The following SVOPL variants were observed in gnomAD, a reference collection of about 807,000 sequenced individuals.
SVOPL encodes putative transporter SVOPL.
In SVOPL, 60 loss-of-function variants were observed where a neutral mutation model predicts 61.0. The observed-to-expected ratio is 0.98, with a 90% CI of 0.80 to 1.22. SVOPL has a LOEUF of 1.22. SVOPL is among the 50% of genes most tolerant of loss of function. The probability of loss-of-function intolerance (pLI) is 0.00; values close to 1 mark genes in which losing one functional copy is unlikely to be tolerated. For missense variants in SVOPL, 662 were observed against 643.9 expected (o/e 1.03, Z -0.30); for synonymous variants, 279 against 250.0 (o/e 1.12, Z -1.09).
intron 1 of SVOPL, among the ~76,000 whole-genome samples, chr7:138,679,291 A>C (rs978974673): frequency 1.3e-5 from 2 of 151,900 alleles, no homozygotes; most frequent in Admixed American, 1.3e-4. Context: ...ATTGATTGAG[A>C]TGGAGTCTCG....
chr7:138,611,185 CCTGCCAACA>C (rs541247842), intron 14 of SVOPL, among the ~76,000 whole-genome samples: 9 of 152,174 alleles, frequency 5.9e-5, no homozygotes, highest in Non-Finnish European at 8.8e-5. Flanking sequence ...TTAGACCAGC[CCTGCCAACA>C]TGGCAAACCC....
intron 12 of SVOPL, among the ~76,000 whole-genome samples, chr7:138,626,831 G>A (rs143921447): frequency 7.2e-6 from 1 of 139,504 alleles, no homozygotes; most frequent in Non-Finnish European, 1.5e-5. Context: ...GGGTGACAAG[G>A]TGAGAGAACC....
intron 1 of SVOPL, among the ~76,000 whole-genome samples, chr7:138,687,526 T>C (rs571656139): frequency 6.6e-6 from 1 of 151,804 alleles, no homozygotes; most frequent in Admixed American, 6.6e-5. Context: ...CATGAGCCAC[T>C]GCACTTGCCC....
intron 3 of SVOPL, among the ~76,000 whole-genome samples, chr7:138,676,172 G>A (rs1355834969): frequency 6.6e-6 from 1 of 152,168 alleles, no homozygotes; most frequent in African/African-American, 2.4e-5. Flanking sequence ...ACCTACTAAA[G>A]GAGAAAGCGG....
Position 138,630,042 on chromosome 7 carries a change from C to A in SVOPL, c.863+7G>T. On this transcript the variant is annotated splice_region_variant and intron_variant, in intron 10 of 15. Transcript: ENST00000674285. The stretch of plus-strand genomic sequence containing the variant: ...TAAAACTAGCTTTGAAATCATTACA[C>A]TCTTACCATATGACCCAGATCTGTA... 6.2e-7 allele frequency: 1 copy of A among 1,611,356 alleles called. No homozygotes were observed. Among genetic ancestry groups the A allele is most frequent in the Non-Finnish European group, 8.5e-7 (1 of 1,177,650 alleles).
Position 138,628,207 on chromosome 7 carries a change from T to C in SVOPL, c.1020A>G (p.Ala340=), listed in dbSNP as rs1307899535. ...TGATCATGGTCCGATAGTCAGAGGGTGCAAACATGTGGCAGTAGCAGGGGC... is the reference window on the plus strand; with the variant it reads ...TGATCATGGTCCGATAGTCAGAGGGCGCAAACATGTGGCAGTAGCAGGGGC... ...SQSPCYCHMF[A]PSDYRTMIIS... Residue 340 remains alanine, a synonymous_variant, in exon 11 of 16, where the codon GCA becomes GCG. Coordinates refer to ENST00000674285, the MANE Select transcript of SVOPL (RefSeq NM_001139456.2). 2 of 1,613,908 alleles carry C rather than the reference T, an allele frequency of 1.2e-6. No homozygotes were observed. Among genetic ancestry groups the C allele is most frequent in the Admixed American group, 1.7e-5 (1 of 59,986 alleles).
chr7:138,632,383 G>A (rs1800246733), intron 9 of SVOPL, among the ~76,000 whole-genome samples: 1 of 152,186 alleles, frequency 6.6e-6, no homozygotes, highest in Non-Finnish European at 1.5e-5. Context: ...GCAGTGAACT[G>A]CAATCATGCC....
intron 4 of SVOPL, among the ~76,000 whole-genome samples, chr7:138,670,299 G>A (rs1359243103): frequency 6.6e-6 from 1 of 152,138 alleles, no homozygotes; most frequent in African/African-American, 2.4e-5. Flanking sequence ...AGAGGGGCCT[G>A]AATTCTGTTA....
intron 6 of SVOPL, among the ~76,000 whole-genome samples, chr7:138,656,898 TGG>T (rs140592020): frequency 0.014 from 2,066 of 152,090 alleles, 38 homozygotes; most frequent in African/African-American, 0.046. Flanking sequence ...CAAAATTAGC[TGG>T]GTGTGGTGGC....
At chr7:138,634,460 G>C (rs1800368063) in intron 9 of SVOPL, among the ~76,000 whole-genome samples, 1 of 150,652 alleles carries the variant, frequency 6.6e-6, no homozygotes, top group African/African-American at 2.5e-5. Flanking sequence ...CTGGGCCAGT[G>C]AGACCCCGTC....
intron 1 of SVOPL, among the ~76,000 whole-genome samples, chr7:138,680,571 T>TGTG (rs1802678063): frequency 6.8e-6 from 1 of 148,012 alleles, no homozygotes; most frequent in African/African-American, 2.5e-5. Context: ...ACACAGACTT[T>TGTG]TGTGTGTGTG....
At chr7:138,608,324 A>T (rs1311676251) in intron 14 of SVOPL, among the ~76,000 whole-genome samples, 2 of 152,242 alleles carry the variant, frequency 1.3e-5, no homozygotes, top group African/African-American at 4.8e-5. Flanking sequence ...CGTGCTATAA[A>T]TCTCATTAGA....
rs935815206 is a variant in SVOPL, at chr7:138,631,960, T to TCTCACACACACACACACACACA, written c.790-1839_790-1838insTGTGTGTGTGTGTGTGTGTGAG. On this transcript the variant is annotated intron_variant, in intron 9 of 15. Transcript: ENST00000674285. Reference sequence around the variant, plus strand: ...TGGCTCAGTCCCTTCTGCTCTGATATCACACACACACACACACACACACAT... The same window carrying TCTCACACACACACACACACACA: ...TGGCTCAGTCCCTTCTGCTCTGATATCTCACACACACACACACACACACACACACACACACACACACACACAT... 2.7e-4 allele frequency among the ~76,000 whole-genome samples: 39 copies of TCTCACACACACACACACACACA among 147,064 alleles called. 1 individual carries two copies. Among genetic ancestry groups the TCTCACACACACACACACACACA allele is most frequent in the African/African-American group, 7.6e-4 (30 of 39,428 alleles).
intron 11 of SVOPL, 24 bp downstream of exon 11, chr7:138,628,134 C>A: frequency 6.2e-7 from 1 of 1,613,924 alleles, no homozygotes; most frequent in Non-Finnish European, 8.5e-7. Flanking sequence ...GACAGAGAGA[C>A]CCAACACGCA....
In SVOPL at chr7:138,636,547, T is replaced by C. The variant is rs141862307; in HGVS notation, c.790-6425A>G. 5.3e-3 allele frequency among the ~76,000 whole-genome samples: 807 copies of C among 151,372 alleles called. 13 individuals are homozygous for C. Among genetic ancestry groups the C allele is most frequent in the Non-Finnish European group, 6.3e-3 (428 of 67,904 alleles). On this transcript the variant is annotated intron_variant, in intron 9 of 15. Transcript: ENST00000674285. ...GTAAAGTGGTGTGATCTTGGCTCAC[T>C]GCAACCTCCACCTCCTGGGTTCAAG...
chr7:138,607,002 A>G (rs1343184762), intron 14 of SVOPL, among the ~76,000 whole-genome samples: 1 of 149,434 alleles, frequency 6.7e-6, no homozygotes, highest in Non-Finnish European at 1.5e-5. Flanking sequence ...GACTTGCCCT[A>G]ACTGTCTGCT....
intron 1 of SVOPL, among the ~76,000 whole-genome samples, chr7:138,697,452 TA>T (rs1057473403): frequency 3.3e-5 from 5 of 151,402 alleles, no homozygotes; most frequent in African/African-American, 1.2e-4. Flanking sequence ...AAAAGTTTTT[TA>T]AAAAATTAGC....
intron 8 of SVOPL, among the ~76,000 whole-genome samples, chr7:138,647,864 AAAAT>A (rs977225768): frequency 6.6e-6 from 1 of 150,750 alleles, no homozygotes; most frequent in African/African-American, 2.5e-5. Context: ...AAAAAAAAAA[AAAAT>A]AGTCACATGC....
intron 1 of SVOPL, among the ~76,000 whole-genome samples, chr7:138,694,059 T>C (rs918398567): frequency 2.0e-5 from 3 of 152,176 alleles, no homozygotes; most frequent in African/African-American, 7.2e-5. Flanking sequence ...TTATACCAAG[T>C]GCAAGGGAAA....
Sources: allele counts gnomAD v4.1 joint callset (sites outside exome capture counted in the v4.1 genomes callset), GRCh38; gene constraint gnomAD v4.1.1; transcripts MANE v1.5; gene names NCBI Gene and HGNC (gene_info 2026-07-23, HGNC 2026-07-21).